Variants in PPIP5K2 observed in about 807,000 individuals in gnomAD.
The protein encoded by PPIP5K2 is inositol hexakisphosphate and diphosphoinositol-pentakisphosphate kinase 2.
In PPIP5K2, 105 loss-of-function variants were observed where a neutral mutation model predicts 154.6. The ratio of observed to expected loss-of-function variants is 0.68; its 90% confidence interval spans 0.58 to 0.80. The LOEUF is 0.80. PPIP5K2 is among the 30% of genes least tolerant of loss of function. The pLI is 0.00. For synonymous variants in PPIP5K2, 480 were observed against 490.3 expected, an observed-to-expected ratio of 0.98 and a Z score of 0.28; for missense variants, 992 against 1,504.6, an observed-to-expected ratio of 0.66 and a Z score of 5.64.
chr5:103,151,714 C>G (rs1404273672), intron 9 of PPIP5K2, among the ~76,000 whole-genome samples: 7 of 151,602 alleles, frequency 4.6e-5, no homozygotes, highest in African/African-American at 1.7e-4. Flanking sequence ...ACTTAATGGA[C>G]AAAATTAACA....
rs899387954 is a variant in PPIP5K2, at chr5:103,209,987, C to T, written c.*8353C>T. Reference sequence around the variant, plus strand: ...TGACAATAAAATGAGACCTGGGAGTCCCAAATGTTATTAACTACCACAATT... The same window carrying T: ...TGACAATAAAATGAGACCTGGGAGTTCCAAATGTTATTAACTACCACAATT... On this transcript the variant is annotated 3_prime_UTR_variant, in exon 31 of 31. Transcript: ENST00000358359. 6 of 151,954 alleles carry T rather than the reference C, an allele frequency of 3.9e-5. No homozygotes were observed. The highest frequency in any genetic ancestry group is 1.4e-4 in the African/African-American group (6 of 41,382). The allele number at this position is 151,954 out of a possible 1,614,324, so 9.4% of individuals were successfully genotyped here.
In PPIP5K2 at chr5:103,177,987, A is replaced by G. The variant is rs1798960542; in HGVS notation, c.2754+7A>G. Reference sequence around the variant, plus strand: ...TAGACCAGCTTCCAGAGAGGTAATGAAGGTGGAACTCTCAGTGCTTAGTTA... The same window carrying G: ...TAGACCAGCTTCCAGAGAGGTAATGGAGGTGGAACTCTCAGTGCTTAGTTA... On this transcript the variant is annotated splice_region_variant and intron_variant, in intron 23 of 30. Transcript: ENST00000358359. 1.3e-6 allele frequency: 2 copies of G among 1,535,386 alleles called. No individual in the cohort carries two copies. Among genetic ancestry groups the G allele is most frequent in the African/African-American group, 1.4e-5 (1 of 73,148 alleles).
At chr5:103,137,329 A>AT (rs1482615920) in intron 4 of PPIP5K2, among the ~76,000 whole-genome samples, 1 of 151,656 alleles carries the variant, frequency 6.6e-6, no homozygotes, top group African/African-American at 2.4e-5. Context: ...CGCCCAGCTA[A>AT]TTTTTTGTAT....
chr5:103,134,708 C>T (rs1473082305), intron 3 of PPIP5K2, among the ~76,000 whole-genome samples: 1 of 152,074 alleles, frequency 6.6e-6, no homozygotes, highest in African/African-American at 2.4e-5. Flanking sequence ...TTCCACATAC[C>T]ATCTCTTGGT....
At chr5:103,189,086 C>T in intron 28 of PPIP5K2, 1 of 1,054,790 alleles carries the variant, frequency 9.5e-7, no homozygotes, top group African/African-American at 1.6e-5. Context: ...CTTACCCCTC[C>T]CTTCATCTTT....
At chr5:103,179,128 T>C (rs1447616558) in intron 23 of PPIP5K2, among the ~76,000 whole-genome samples, 3 of 151,976 alleles carry the variant, frequency 2.0e-5, no homozygotes, top group Non-Finnish European at 4.4e-5. Flanking sequence ...TGGACATTCT[T>C]ATCTTTCAGT....
Position 103,204,814 on chromosome 5 carries a change from A to G in PPIP5K2, c.*3180A>G, listed in dbSNP as rs1437022774. On this transcript the variant is annotated 3_prime_UTR_variant, in exon 31 of 31. Coordinates refer to ENST00000358359, the MANE Select transcript of PPIP5K2 (RefSeq NM_001276277.3). ...AAAAATCTATTTAGTATTGTGTACTATATAATCTATGTGAATTATAGCTCC... is the reference window on the plus strand; with the variant it reads ...AAAAATCTATTTAGTATTGTGTACTGTATAATCTATGTGAATTATAGCTCC... 1 of 143,190 alleles carries G rather than the reference A, an allele frequency of 7.0e-6. No homozygotes were observed. The highest frequency in any genetic ancestry group is 2.3e-4 in the East Asian group (1 of 4,334). The allele number at this position is 143,190 out of a possible 1,614,324, so 8.9% of individuals were successfully genotyped here.
chr5:103,191,164 A>C, intron 29 of PPIP5K2, 182 bp downstream of exon 29: 1 of 444,768 alleles, frequency 2.2e-6, no homozygotes. Flanking sequence ...TCTTTTTTTT[A>C]CTCTGCCAAA....
Position 103,173,139 on chromosome 5 carries a change from T to G in PPIP5K2, c.2287-16T>G. The G allele has an allele frequency of 6.4e-7, 1 of 1,573,702 alleles. No individual in the cohort carries two copies. Among genetic ancestry groups the G allele is most frequent in the Non-Finnish European group, 8.6e-7 (1 of 1,162,220 alleles). ...TCATTATATCCTTTTTCTAATGTCA[T>G]GTATTTTTTGCTCAGGAATATGGTA... On this transcript the variant is annotated splice_polypyrimidine_tract_variant and intron_variant, in intron 19 of 30. Coordinates refer to ENST00000358359, the MANE Select transcript of PPIP5K2 (RefSeq NM_001276277.3).
At chr5:103,175,579 T>G (rs1798584787) in intron 21 of PPIP5K2, among the ~76,000 whole-genome samples, 1 of 152,066 alleles carries the variant, frequency 6.6e-6, no homozygotes. Context: ...AAGTATTGGA[T>G]AAAATGACAG....
chr5:103,183,243 C>A lies in PPIP5K2; in HGVS notation c.2932C>A (p.Pro978Thr). ...RKTATNDEES[P>T]LSVSSPEGTG... The stretch of plus-strand genomic sequence containing the variant: ...CCTTTCTCACTTCCAGGAAGAGAGC[C>A]CCCTGAGTGTGTCTAGCCCAGAGGG... Residue 978 changes from proline (P) to threonine (T), a missense_variant, in exon 25 of 31, where the codon CCC becomes ACC. Around this residue, in one of 9 missense-constraint regions of PPIP5K2, gnomAD observed 204 missense variants for 224.0 expected, o/e 0.91. Transcript: ENST00000358359. The A allele has an allele frequency of 1.7e-6, 2 of 1,172,556 alleles. No homozygotes were observed. The highest frequency in any genetic ancestry group is 2.2e-6 in the Non-Finnish European group (2 of 922,864). 72.6% of individuals were successfully genotyped at this position (1,172,556 alleles called of 1,614,324 possible). A position where few individuals can be genotyped will look rare whatever the true frequency, so the allele number is the denominator to read the frequency against.
intron 19 of PPIP5K2, among the ~76,000 whole-genome samples, chr5:103,170,055 T>C (rs1226586903): frequency 6.6e-6 from 1 of 151,568 alleles, no homozygotes; most frequent in African/African-American, 2.4e-5. Flanking sequence ...ATATACTAAA[T>C]ATTTTACAAC....
chr5:103,193,449 C>T (rs1554227495), intron 29 of PPIP5K2, among the ~76,000 whole-genome samples: 1 of 151,630 alleles, frequency 6.6e-6, no homozygotes, highest in Non-Finnish European at 1.5e-5. Flanking sequence ...CCTCATCTAA[C>T]ACAAAATTAA....
At chr5:103,134,040 T>G (rs1237273697) in intron 3 of PPIP5K2, among the ~76,000 whole-genome samples, 1 of 152,142 alleles carries the variant, frequency 6.6e-6, no homozygotes, top group African/African-American at 2.4e-5. Context: ...AAAATAAGGT[T>G]GTGTGATCTT....
At chr5:103,153,136 A>G (rs1794892892) in intron 10 of PPIP5K2, among the ~76,000 whole-genome samples, 1 of 151,902 alleles carries the variant, frequency 6.6e-6, no homozygotes, top group Non-Finnish European at 1.5e-5. Context: ...AATTCATGTC[A>G]GTTGACTGAA....
intron 14 of PPIP5K2, among the ~76,000 whole-genome samples, chr5:103,157,828 G>A (rs1422292540): frequency 6.6e-6 from 1 of 152,196 alleles, no homozygotes; most frequent in African/African-American, 2.4e-5. Flanking sequence ...GCATCAAGGA[G>A]CTGTTAATCC....
Position 103,190,953 on chromosome 5 carries a change from C to A in PPIP5K2, c.3464C>A (p.Ser1155Tyr). 1 of 1,609,832 alleles carries A rather than the reference C, an allele frequency of 6.2e-7. No individual in the cohort carries two copies. ...EFLASIASPS[S>Y]DVPRKTAEIS... is the part of the protein sequence containing the mutation. The stretch of plus-strand genomic sequence containing the variant: ...CTTGCTTCCATTGCTTCTCCATCAT[C>A]TGACGTTCCACGGAAGACCGCTGAA... The change falls in exon 29 of 31, where the codon TCT (serine) becomes TAT (tyrosine). Residue 1155 changes from serine (S) to tyrosine (Y), a missense_variant. By Grantham distance (144) the Ser-to-Tyr change is moderately radical. Transcript: ENST00000358359.
chr5:103,136,830 G>C lies in PPIP5K2; in HGVS notation c.401+8G>C. 1 of 1,603,078 alleles carries C rather than the reference G, an allele frequency of 6.2e-7. No homozygotes were observed. The highest frequency in any genetic ancestry group is 1.3e-5 in the African/African-American group (1 of 74,750). On this transcript the variant is annotated splice_region_variant and intron_variant, in intron 4 of 30. Coordinates refer to ENST00000358359, the MANE Select transcript of PPIP5K2 (RefSeq NM_001276277.3). ...GTATCTCATACAAGATAGGTGAGTG[G>C]TGAAGTTGGCTGAATTAAGGGAAGG...
chr5:103,120,343 T>A lies in PPIP5K2; in HGVS notation c.-430T>A, dbSNP rs1041003182. 9 of 451,738 alleles carry A rather than the reference T, an allele frequency of 2.0e-5. No homozygotes were observed. The highest frequency in any genetic ancestry group is 3.6e-5 in the Non-Finnish European group (8 of 223,698). The allele number at this position is 451,738 out of a possible 1,614,324, so 28.0% of individuals were successfully genotyped here. On this transcript the variant is annotated 5_prime_UTR_variant, in exon 1 of 31. It removes the in-frame stop codon of an upstream open reading frame in the 5' UTR. Coordinates refer to ENST00000358359, the MANE Select transcript of PPIP5K2 (RefSeq NM_001276277.3). ...CCTTATGTGGCCCTATAGCTGTTACTGAAGGAAGTAGCCTACGTCCACGCC... is the reference window on the plus strand; with the variant it reads ...CCTTATGTGGCCCTATAGCTGTTACAGAAGGAAGTAGCCTACGTCCACGCC...
Sources: gnomAD v4.1 joint callset for allele counts (sites outside exome capture counted in the v4.1 genomes callset) on GRCh38, gnomAD v4.1.1 for gene constraint, gnomAD v4.1.1 regional missense constraint, MANE v1.5 for transcripts, NCBI Gene and HGNC (gene_info 2026-07-23, HGNC 2026-07-21) for gene names.